Variants in KLHL10 observed in about 807,000 individuals in gnomAD.
KLHL10 encodes the protein kelch like family member 10.
Under a neutral mutation model 46.6 loss-of-function variants are expected in KLHL10, and 11 were observed. That is an observed-to-expected ratio of 0.24 (90% CI 0.15 to 0.39). The LOEUF (loss-of-function observed/expected upper bound fraction) is 0.39. Among genes scored for constraint, KLHL10 ranks in the 10% least tolerant of loss-of-function variants. The pLI is 1.00. For missense variants in KLHL10, 475 were observed against 789.8 expected (o/e 0.60, Z 4.78); for synonymous variants, 254 against 279.1 (o/e 0.91, Z 0.90).
At position 41,847,332 on chromosome 17, in the gene KLHL10, T is replaced by A; in HGVS notation, c.1374T>A (p.Asn458Lys). The A allele has an allele frequency of 6.2e-7, 1 of 1,613,876 alleles. No individual in the cohort carries two copies. Among genetic ancestry groups the A allele is most frequent in the Non-Finnish European group, 8.5e-7 (1 of 1,179,920 alleles). The change falls in exon 4 of 5, where the codon AAT becomes AAA. Residue 458 changes from asparagine (N) to lysine (K), a missense_variant. Transcript: ENST00000293303. ...CAGAAGTGTATAACACTGAAAGTAA[T>A]CAGTGGACAGTCATAGCACCCATGA... ...FTAEVYNTES[N>K]QWTVIAPMRS...
chr17:41,848,008 A>G lies in KLHL10; in HGVS notation c.1528A>G (p.Ile510Val), dbSNP rs1276083183. The G allele has an allele frequency of 2.5e-6, 4 of 1,614,104 alleles. No homozygotes were observed. The East Asian group carries it at 6.7e-5, about 27-fold the overall frequency. The stretch of plus-strand genomic sequence containing the variant: ...CCCTGTGGCTAACACTTGGCGCACA[A>G]TCCCCACTATGTTTAATCCTCGTAG... ...YSPVANTWRT[I>V]PTMFNPRSNF... is the part of the protein sequence containing the mutation. The change falls in exon 5 of 5, where the codon ATC becomes GTC. Residue 510 changes from isoleucine (I) to valine (V), a missense_variant. Transcript: ENST00000293303.
rs1555621252 is a variant in KLHL10, at chr17:41,845,445, C to T, written c.1004C>T (p.Ala335Val). ...EESPRAYHGAAYLKGYVYIIG... is the reference protein window; with the variant it reads ...EESPRAYHGAVYLKGYVYIIG... ...AGTCCCCGTGCCTACCATGGGGCAG[C>T]CTATTTGAAAGGCTATGTGTATATC... is the stretch of plus-strand genomic sequence containing the variant. Residue 335 changes from alanine (A) to valine (V), a missense_variant, in exon 3 of 5, where the codon GCC (alanine) becomes GTC (valine). Ala to Val is a moderately conservative substitution (Grantham distance 64, BLOSUM62 0). Transcript: ENST00000293303. 1 of 1,614,108 alleles carries T rather than the reference C, an allele frequency of 6.2e-7. No homozygotes were observed. Among genetic ancestry groups the T allele is most frequent in the Non-Finnish European group, 8.5e-7 (1 of 1,180,028 alleles).
intron 3 of KLHL10, among the ~76,000 whole-genome samples, chr17:41,846,043 C>CT (rs1285369445): frequency 4.6e-5 from 7 of 151,820 alleles, no homozygotes; most frequent in Non-Finnish European, 8.8e-5. Context: ...AACCCTGTCT[C>CT]TACTAAAAAT....
rs1555620922 is a variant in KLHL10, at chr17:41,843,324, T to C, written c.684+1012T>C. On this transcript the variant is annotated intron_variant, in intron 2 of 4. Transcript: ENST00000293303. ...GAGTTCGAGACCAGCCTGGCCAACA[T>C]AGCAGAACACTCTCTACCGAAAATA... is the stretch of plus-strand genomic sequence containing the variant. Among the ~76,000 whole-genome samples the C allele has an allele frequency of 2.0e-5, 3 of 151,154 alleles. No individual in the cohort carries two copies. In the South Asian group the frequency reaches 6.3e-4, roughly 32 times the overall value.
upstream of KLHL10, chr17:41,835,875 C>T (rs2048145070): frequency 6.2e-7 from 1 of 1,609,080 alleles, no homozygotes; most frequent in African/African-American, 1.3e-5. Flanking sequence ...CCGGTCTCCG[C>T]CGCCCTTGCG....
At chr17:41,838,409 A>ACGTCTGTACTTT (rs1555620425) in intron 1 of KLHL10, among the ~76,000 whole-genome samples, 3 of 152,050 alleles carry the variant, frequency 2.0e-5, no homozygotes, top group Non-Finnish European at 4.4e-5. Flanking sequence ...CTACAGGCAC[A>ACGTCTGTACTTT]TGCTGCTACG....
At chr17:41,846,048 A>AATAC (rs1238107525) in intron 3 of KLHL10, among the ~76,000 whole-genome samples, 2 of 151,826 alleles carry the variant, frequency 1.3e-5, no homozygotes, top group Non-Finnish European at 2.9e-5. Context: ...TGTCTCTACT[A>AATAC]AAAATACAAA....
At position 41,847,186 on chromosome 17, in the gene KLHL10, C is replaced by T; in HGVS notation, c.1303-75C>T. 2.2e-6 allele frequency: 3 copies of T among 1,354,398 alleles called. No individual in the cohort carries two copies. In the South Asian group the frequency reaches 3.5e-5, roughly 16 times the overall value. 83.9% of individuals were successfully genotyped at this position (1,354,398 alleles called of 1,614,324 possible). A position where few individuals can be genotyped will look rare whatever the true frequency, so the allele number is the denominator to read the frequency against. ...TGTACAGACTGGAATTAAGTGCCCA[C>T]TACCACCACACACATATCCTTTCTT... On this transcript the variant is annotated intron_variant, in intron 3 of 4. Coordinates refer to ENST00000293303, the MANE Select transcript of KLHL10 (RefSeq NM_152467.5).
At chr17:41,845,923 A>C (rs2048279587) in intron 3 of KLHL10, 180 bp downstream of exon 3, 1 of 870,056 alleles carries the variant, frequency 1.1e-6, no homozygotes, top group East Asian at 2.7e-5. Flanking sequence ...ATTGAAAAGT[A>C]ATGCAAAGCC....
In KLHL10 at chr17:41,842,073, GACT is replaced by G; in HGVS notation, c.455_457del (p.Tyr152del). 11 of 1,614,112 alleles carry G rather than the reference GACT, an allele frequency of 6.8e-6. No individual in the cohort carries two copies. Among genetic ancestry groups the G allele is most frequent in the Non-Finnish European group, 9.3e-6 (11 of 1,180,032 alleles). The stretch of plus-strand genomic sequence containing the variant: ...TTGTATCGGCATCTGTAAGTTCACG[GACT>G]ACTACTACTGTCCTGAGCTGAGGCA... On this transcript the variant is annotated inframe_deletion, in exon 2 of 5. Transcript: ENST00000293303.
chr17:41,846,752 T>C (rs531787008), intron 3 of KLHL10, among the ~76,000 whole-genome samples: 21 of 151,724 alleles, frequency 1.4e-4, no homozygotes, highest in Non-Finnish European at 2.4e-4. Flanking sequence ...GAGGTGGAGG[T>C]TGTAGTGAGC....
chr17:41,838,423 G>A (rs555496801), intron 1 of KLHL10, among the ~76,000 whole-genome samples: 5 of 151,980 alleles, frequency 3.3e-5, no homozygotes, highest in East Asian at 3.9e-4. Flanking sequence ...TGCTACGTCC[G>A]GCTACTTTTG....
chr17:41,836,527 A>G, upstream of KLHL10: 1 of 918,156 alleles, frequency 1.1e-6, no homozygotes, highest in Non-Finnish European at 1.3e-6. Flanking sequence ...AGTTTGTGAC[A>G]AAAACATGAC....
intron 2 of KLHL10, among the ~76,000 whole-genome samples, chr17:41,842,835 G>A (rs2048240494): frequency 6.6e-6 from 1 of 151,734 alleles, no homozygotes; most frequent in African/African-American, 2.4e-5. Context: ...TACTCAAGAG[G>A]CTGAGGCAGG....
At chr17:41,836,369 G>C (rs1474594816), upstream of KLHL10, 1 of 1,225,644 alleles carries the variant, frequency 8.2e-7, no homozygotes, top group Non-Finnish European at 1.0e-6. Context: ...TGGGCTTGCC[G>C]GTTGCGCTAG....
chr17:41,839,222 C>A (rs939538751), intron 1 of KLHL10, among the ~76,000 whole-genome samples: 29 of 152,272 alleles, frequency 1.9e-4, no homozygotes, highest in African/African-American at 6.7e-4. Context: ...GAACACCTGA[C>A]TTCGTGATCC....
In KLHL10 at chr17:41,845,852, G is replaced by C. The variant is rs1555621345; in HGVS notation, c.1302+109G>C. 2.2e-6 allele frequency: 3 copies of C among 1,354,584 alleles called. No homozygotes were observed. The African/African-American group carries it at 4.3e-5, about 19-fold the overall frequency. The allele number at this position is 1,354,584 out of a possible 1,614,324, so 83.9% of individuals were successfully genotyped here. On this transcript the variant is annotated intron_variant, in intron 3 of 4. Coordinates refer to ENST00000293303, the MANE Select transcript of KLHL10 (RefSeq NM_152467.5). ...AGACGCAGTGGCAGTATTCACTTTG[G>C]AGTACTCATTCTTTCTTCAATTGAC...
chr17:41,838,828 A>G (rs1336541540), intron 1 of KLHL10, among the ~76,000 whole-genome samples: 2 of 151,380 alleles, frequency 1.3e-5, no homozygotes. Context: ...AGCTGGGATT[A>G]CAGGCGCCTG....
chr17:41,841,174 T>G (rs1456220330), intron 1 of KLHL10, among the ~76,000 whole-genome samples: 2 of 151,622 alleles, frequency 1.3e-5, no homozygotes, highest in Non-Finnish European at 2.9e-5. Flanking sequence ...AGAAAACAAT[T>G]AATAAAAAGA....
Sources: allele counts gnomAD v4.1 joint callset (sites outside exome capture counted in the v4.1 genomes callset), GRCh38; gene constraint gnomAD v4.1.1; transcripts MANE v1.5; gene names NCBI Gene and HGNC (gene_info 2026-07-23, HGNC 2026-07-21).